Variants in TTC28 observed in about 807,000 individuals in gnomAD.
The protein encoded by TTC28 is tetratricopeptide repeat protein 28.
In TTC28, 61 loss-of-function variants were observed where a neutral mutation model predicts 198.0. The observed-to-expected ratio is 0.31, with a 90% CI of 0.25 to 0.38. TTC28 has a LOEUF of 0.38. Among genes scored for constraint, TTC28 ranks in the 10% least tolerant of loss-of-function variants. The pLI is 1.00. For synonymous variants in TTC28, 1,171 were observed against 1,297.8 expected, an observed-to-expected ratio of 0.90 and a Z score of 2.10; for missense variants, 2,678 against 3,164.0, an observed-to-expected ratio of 0.85 and a Z score of 3.69.
chr22:28,446,477 G>A (rs1254126559), intron 2 of TTC28, among the ~76,000 whole-genome samples: 1 of 152,096 alleles, frequency 6.6e-6, no homozygotes, highest in Non-Finnish European at 1.5e-5. Context: ...TCGGATCATG[G>A]GGCTGGATCC....
intron 12 of TTC28, among the ~76,000 whole-genome samples, chr22:28,069,351 T>G (rs1940875683): frequency 6.6e-6 from 1 of 152,170 alleles, no homozygotes. Context: ...ATCAGCACCT[T>G]GGAGGATGTT....
intron 5 of TTC28, among the ~76,000 whole-genome samples, chr22:28,193,560 C>A (rs1925083565): frequency 6.6e-6 from 1 of 152,062 alleles, no homozygotes; most frequent in Admixed American, 6.5e-5. Context: ...TGCAGACACA[C>A]ACATAAGCTC....
chr22:28,270,603 T>C (rs1450471869), intron 5 of TTC28, among the ~76,000 whole-genome samples: 1 of 152,184 alleles, frequency 6.6e-6, no homozygotes, highest in East Asian at 1.9e-4. Context: ...TATTCCCCAT[T>C]AATGTTCTTT....
chr22:28,625,234 GA>G (rs2051060497), intron 2 of TTC28, among the ~76,000 whole-genome samples: 1 of 152,020 alleles, frequency 6.6e-6, no homozygotes, highest in African/African-American at 2.4e-5. Flanking sequence ...AAAAGAAAAA[GA>G]AAGAAAAGGC....
intron 8 of TTC28, among the ~76,000 whole-genome samples, chr22:28,102,245 T>C (rs993547717): frequency 6.6e-6 from 1 of 152,236 alleles, no homozygotes; most frequent in Non-Finnish European, 1.5e-5. Context: ...CTGCCTTCTG[T>C]TACTGATGTT....
At position 28,547,037 on chromosome 22, in the gene TTC28, A is replaced by G. The variant is rs142272805; in HGVS notation, c.381+82515T>C. On this transcript the variant is annotated intron_variant, in intron 2 of 22. Transcript: ENST00000397906. ...TTCTGGGGTCATGGAAGTGCTCTAT[A>G]TCTTGACTGCACAGTCAAAATATAA... Among the ~76,000 whole-genome samples, 922 of 152,368 alleles carry G rather than the reference A, an allele frequency of 6.1e-3. 5 individuals carry two copies. Among genetic ancestry groups the G allele is most frequent in the African/African-American group, 0.02 (829 of 41,592 alleles).
chr22:28,026,078 C>T (rs1423975316), intron 13 of TTC28, among the ~76,000 whole-genome samples: 1 of 152,234 alleles, frequency 6.6e-6, no homozygotes, highest in Non-Finnish European at 1.5e-5. Context: ...TCCCTCCCAC[C>T]TCCACTGTAG....
intron 2 of TTC28, among the ~76,000 whole-genome samples, chr22:28,598,509 CAAAA>C (rs36035176): frequency 1.9e-4 from 10 of 52,682 alleles, no homozygotes; most frequent in Admixed American, 1.6e-3. Flanking sequence ...ACTACGTCTC[CAAAA>C]AAAAAAAAAA....
chr22:28,443,999 G>T (rs2047664698), intron 2 of TTC28, among the ~76,000 whole-genome samples: 1 of 152,086 alleles, frequency 6.6e-6, no homozygotes, highest in Admixed American at 6.6e-5. Context: ...TACCCCCAAT[G>T]AACTTTAATA....
At chr22:28,133,932 C>G (rs1298349823) in intron 6 of TTC28, among the ~76,000 whole-genome samples, 1 of 152,240 alleles carries the variant, frequency 6.6e-6, no homozygotes, top group East Asian at 1.9e-4. Flanking sequence ...TCCCTGACCC[C>G]TGAATAGCCT....
chr22:27,993,614 G>A, intron 17 of TTC28, 96 bp from the exon 18 acceptor site: 1 of 1,262,360 alleles, frequency 7.9e-7, no homozygotes, highest in Middle Eastern at 2.0e-4. Context: ...GTGAAGCCAG[G>A]CTGACTGCTG....
intron 5 of TTC28, among the ~76,000 whole-genome samples, chr22:28,218,386 G>C (rs967513444): frequency 4.6e-5 from 7 of 152,240 alleles, no homozygotes; most frequent in African/African-American, 1.7e-4. Flanking sequence ...CACAGTCACG[G>C]TGGTAAATAC....
intron 2 of TTC28, among the ~76,000 whole-genome samples, chr22:28,342,381 A>G (rs5997358): frequency 6.2e-4 from 94 of 152,348 alleles, no homozygotes; most frequent in African/African-American, 2.1e-3. Context: ...ATTAAAGAAT[A>G]TATGTTCATT....
intron 2 of TTC28, 33 bp from the exon 3 acceptor site, chr22:28,306,676 C>G: frequency 6.5e-7 from 1 of 1,548,784 alleles, no homozygotes; most frequent in Non-Finnish European, 8.7e-7. Context: ...ATATATAATG[C>G]CTGTGCTCCA....
intron 5 of TTC28, among the ~76,000 whole-genome samples, chr22:28,228,296 T>C (rs1034534592): frequency 6.6e-6 from 1 of 152,200 alleles, no homozygotes; most frequent in Non-Finnish European, 1.5e-5. Flanking sequence ...ATGGTGGTAG[T>C]AGTTGCAAAA....
At chr22:28,576,174 T>G (rs1344776775) in intron 2 of TTC28, among the ~76,000 whole-genome samples, 6 of 146,160 alleles carry the variant, frequency 4.1e-5, no homozygotes, top group South Asian at 2.1e-4. Context: ...CTATGCCCAG[T>G]TTTTTTTTTT....
chr22:28,108,455 T>G (rs1942389730), intron 6 of TTC28, 52 bp from the exon 7 acceptor site: 4 of 1,360,520 alleles, frequency 2.9e-6, no homozygotes, highest in Admixed American at 7.0e-5. Flanking sequence ...TGATTTGCAA[T>G]GTAGAAAGAA....
chr22:28,376,780 C>A (rs2046417222), intron 2 of TTC28, among the ~76,000 whole-genome samples: 1 of 152,134 alleles, frequency 6.6e-6, no homozygotes. Flanking sequence ...ATGGAGACAG[C>A]TGCACTGAGA....
chr22:28,096,809 CT>C (rs568084580), intron 10 of TTC28, among the ~76,000 whole-genome samples: 242 of 142,780 alleles, frequency 1.7e-3, no homozygotes, highest in Non-Finnish European at 2.0e-3. Context: ...CTCTACGTGT[CT>C]TTTTTTTTTT....
Sources: gnomAD v4.1 joint callset for allele counts (sites outside exome capture counted in the v4.1 genomes callset) on GRCh38, gnomAD v4.1.1 for gene constraint, MANE v1.5 for transcripts, NCBI Gene and HGNC (gene_info 2026-07-23, HGNC 2026-07-21) for gene names.